The following ARMH4 variants were observed in gnomAD, a reference collection of about 807,000 sequenced individuals.
The protein encoded by ARMH4 is armadillo like helical domain containing 4.
In ARMH4, 49 loss-of-function variants were observed where a neutral mutation model predicts 61.9. That is an observed-to-expected ratio of 0.79 (90% confidence interval 0.63 to 1.00). ARMH4 has a LOEUF of 1.00. ARMH4 is among the 50% of genes least tolerant of loss of function. ARMH4 has a pLI of 0.00. For missense variants in ARMH4, 934 were observed against 930.0 expected (o/e 1.00, Z -0.06); for synonymous variants, 368 against 341.5 (o/e 1.08, Z -0.85).
In ARMH4 at chr14:58,031,812, C is replaced by A. The variant is rs1268421704; in HGVS notation, c.2090-19662G>T. On this transcript the variant is annotated intron_variant, in intron 5 of 7. Coordinates refer to ENST00000267485, the MANE Select transcript of ARMH4 (RefSeq NM_001001872.4). ...AGTTCTCTCTGCCATTGTTTCCTAT[C>A]ATATACTTCCAAGCCACGCCACCTT... is the stretch of plus-strand genomic sequence containing the variant. 2.0e-5 allele frequency among the ~76,000 whole-genome samples: 3 copies of A among 152,198 alleles called. No individual in the cohort carries two copies. In the East Asian group the frequency reaches 5.8e-4, roughly 29 times the overall value.
intron 5 of ARMH4, among the ~76,000 whole-genome samples, chr14:58,039,551 C>T (rs1260996532): frequency 1.3e-5 from 2 of 152,116 alleles, no homozygotes; most frequent in African/African-American, 4.8e-5. Flanking sequence ...TAACTCTTTG[C>T]CATTTAAAGG....
At chr14:58,111,486 G>C (rs1028096691) in intron 4 of ARMH4, among the ~76,000 whole-genome samples, 8 of 152,146 alleles carry the variant, frequency 5.3e-5, no homozygotes, top group African/African-American at 1.9e-4. Context: ...CAAAATTCCA[G>C]AAACTAGGTG....
In ARMH4 at chr14:58,005,052, C is replaced by A. The variant is rs775950494; in HGVS notation, c.2252G>T (p.Arg751Ile). ...TTGCTGTTGTTGGTTCCATACCTTT[C>A]TTTTATGCCTTTTGAAGCCATTTCT... ...RRRNGFKRHKRKQREFNSMQD... is the reference protein window; with the variant it reads ...RRRNGFKRHKIKQREFNSMQD... The change falls in exon 7 of 8, where the codon AGA becomes ATA. Residue 751 changes from arginine (R) to isoleucine (I), a missense_variant. Transcript: ENST00000267485. 23 of 1,613,896 alleles carry A rather than the reference C, an allele frequency of 1.4e-5. No individual in the cohort carries two copies. Among genetic ancestry groups the A allele is most frequent in the Non-Finnish European group, 1.9e-5 (22 of 1,179,922 alleles).
intron 5 of ARMH4, among the ~76,000 whole-genome samples, chr14:58,014,583 T>C (rs1882533014): frequency 6.6e-6 from 1 of 152,172 alleles, no homozygotes; most frequent in African/African-American, 2.4e-5. Flanking sequence ...ACGAGTATTT[T>C]GTAAATACGT....
intron 3 of ARMH4, among the ~76,000 whole-genome samples, chr14:58,131,988 T>C (rs1998101): frequency 0.42 from 63,696 of 152,082 alleles, 15,048 homozygotes; most frequent in Non-Finnish European, 0.55. Context: ...ATTTATTCTA[T>C]TGGCAATATT....
rs777339665 is a variant in ARMH4, at chr14:58,005,043, C to T, written c.2256+5G>A. 2.5e-6 allele frequency: 4 copies of T among 1,613,832 alleles called. No homozygotes were observed. In the African/African-American group the frequency reaches 5.3e-5, roughly 22 times the overall value. ...GATTAGGTTTTGCTGTTGTTGGTTC[C>T]ATACCTTTCTTTTATGCCTTTTGAA... On this transcript the variant is annotated splice_donor_5th_base_variant and intron_variant, in intron 7 of 7. Coordinates refer to ENST00000267485, the MANE Select transcript of ARMH4 (RefSeq NM_001001872.4).
chr14:58,104,444 G>A (rs1886103861), intron 4 of ARMH4, among the ~76,000 whole-genome samples: 1 of 152,118 alleles, frequency 6.6e-6, no homozygotes, highest in African/African-American at 2.4e-5. Flanking sequence ...AGAAAGTTTT[G>A]GTAACTGTGT....
intron 5 of ARMH4, among the ~76,000 whole-genome samples, chr14:58,032,711 G>T (rs994385470): frequency 1.3e-5 from 2 of 151,968 alleles, no homozygotes; most frequent in Non-Finnish European, 2.9e-5. Context: ...TGCGCGAGCC[G>T]AAGCAGGGTG....
chr14:58,122,782 G>A (rs532988316), intron 4 of ARMH4, among the ~76,000 whole-genome samples: 64 of 152,238 alleles, frequency 4.2e-4, no homozygotes, highest in Admixed American at 1.2e-3. Context: ...GAAGTAAGCC[G>A]CCCCCTTGTC....
intron 5 of ARMH4, among the ~76,000 whole-genome samples, chr14:58,089,507 C>T (rs1189127429): frequency 6.6e-6 from 1 of 152,164 alleles, no homozygotes; most frequent in African/African-American, 2.4e-5. Context: ...ATGCATTATA[C>T]CCTCCTACCA....
In ARMH4 at chr14:58,138,526, T is replaced by C. The variant is rs995477964; in HGVS notation, c.833A>G (p.Glu278Gly). 105 of 1,614,118 alleles carry C rather than the reference T, an allele frequency of 6.5e-5. No homozygotes were observed. In the East Asian group the frequency reaches 2.3e-3, roughly 36 times the overall value. ...TTCTGGCTCAACACTCAGGGTGTAC[T>C]CGGAAGTTTCGAGTGGTTGCTTGGT... Reference protein sequence around the residue: ...AATKQPLETSEYTLSVEPETD... With the variant: ...AATKQPLETSGYTLSVEPETD... The change falls in exon 2 of 8, where the codon GAG (glutamate) becomes GGG (glycine). Residue 278 changes from glutamate to glycine, a missense_variant. Coordinates refer to ENST00000267485, the MANE Select transcript of ARMH4 (RefSeq NM_001001872.4).
intron 5 of ARMH4, among the ~76,000 whole-genome samples, chr14:58,070,408 G>A (rs1261019038): frequency 6.6e-6 from 1 of 152,136 alleles, no homozygotes; most frequent in African/African-American, 2.4e-5. Flanking sequence ...AACAGTAAAG[G>A]CTCAGAGCAA....
chr14:58,124,112 A>T (rs1886820463), intron 4 of ARMH4, among the ~76,000 whole-genome samples: 2 of 152,224 alleles, frequency 1.3e-5, no homozygotes, highest in Non-Finnish European at 2.9e-5. Flanking sequence ...AAATATGGAT[A>T]TTCCCAGGTA....
At chr14:58,067,058 T>C (rs1258576796) in intron 5 of ARMH4, among the ~76,000 whole-genome samples, 1 of 152,228 alleles carries the variant, frequency 6.6e-6, no homozygotes, top group East Asian at 1.9e-4. Context: ...ATTTGTTTCC[T>C]ATGCGTAGAG....
At chr14:58,019,790 CA>C (rs1289422508) in intron 5 of ARMH4, among the ~76,000 whole-genome samples, 1 of 151,664 alleles carries the variant, frequency 6.6e-6, no homozygotes, top group Non-Finnish European at 1.5e-5. Flanking sequence ...GACTCTGTCT[CA>C]AAAAAATAAT....
intron 5 of ARMH4, among the ~76,000 whole-genome samples, chr14:58,057,587 T>C (rs1316584738): frequency 6.6e-6 from 1 of 152,080 alleles, no homozygotes; most frequent in Non-Finnish European, 1.5e-5. Context: ...TGTGTGTGTG[T>C]GTATTTTGAT....
chr14:58,045,633 G>T (rs1295554633), intron 5 of ARMH4, among the ~76,000 whole-genome samples: 1 of 151,726 alleles, frequency 6.6e-6, no homozygotes, highest in Non-Finnish European at 1.5e-5. Context: ...AAGAAACACG[G>T]TCTTGTGAGT....
intron 1 of ARMH4, among the ~76,000 whole-genome samples, chr14:58,147,320 T>TTA (rs1887767654): frequency 6.6e-6 from 1 of 151,278 alleles, no homozygotes; most frequent in African/African-American, 2.4e-5. Context: ...CAGATGGTTT[T>TTA]TTTTTTTTTT....
At chr14:58,024,899 T>C (rs1882970080) in intron 5 of ARMH4, among the ~76,000 whole-genome samples, 1 of 152,136 alleles carries the variant, frequency 6.6e-6, no homozygotes, top group Non-Finnish European at 1.5e-5. Context: ...CACCATCTCA[T>C]ATGGATGCTG....
Sources: gnomAD v4.1 joint callset for allele counts (sites outside exome capture counted in the v4.1 genomes callset) on GRCh38, gnomAD v4.1.1 for gene constraint, MANE v1.5 for transcripts, NCBI Gene and HGNC (gene_info 2026-07-23, HGNC 2026-07-21) for gene names.